Variants in AKNA observed in about 807,000 individuals in gnomAD.
AKNA encodes the protein AT-hook transcription factor, also known as microtubule organization protein AKNA.
Under a neutral mutation model 138.8 loss-of-function variants are expected in AKNA, and 67 were observed. That is an observed-to-expected ratio of 0.48 (90% CI 0.40 to 0.59). AKNA has a LOEUF of 0.59. AKNA is among the 20% of genes least tolerant of loss of function. The probability of loss-of-function intolerance (pLI) is 0.00; values close to 1 mark genes in which losing one functional copy is unlikely to be tolerated. For missense variants in AKNA, 1,813 were observed against 1,880.4 expected, an observed-to-expected ratio of 0.96 and a Z score of 0.66; for synonymous variants, 737 against 754.4, an observed-to-expected ratio of 0.98 and a Z score of 0.38.
chr9:114,331,354 A>G (rs570517395), downstream of AKNA, among the ~76,000 whole-genome samples: 73 of 152,172 alleles, frequency 4.8e-4, no homozygotes, highest in Admixed American at 4.1e-3. Flanking sequence ...TGACAGCCAC[A>G]GTCTGTGTGA....
intron 4 of AKNA, among the ~76,000 whole-genome samples, chr9:114,370,694 G>A (rs1337733218): frequency 6.6e-6 from 1 of 152,224 alleles, no homozygotes; most frequent in African/African-American, 2.4e-5. Flanking sequence ...GGGAGGACTA[G>A]TGAATTTGGG....
Position 114,364,618 on chromosome 9 carries a change from A to G in AKNA, c.1730T>C (p.Val577Ala). The change falls in exon 7 of 22, where the codon GTG becomes GCG. Residue 577 changes from valine to alanine, a missense_variant and splice_region_variant. Coordinates refer to ENST00000374088, the MANE Select transcript of AKNA (RefSeq NM_001317950.2). ...CTGTATCAGTCTTTCAAAGGACTCC[A>G]CCTGGACATTGGGAGGGGAAGGAAA... ...ASQASQFLAK[V>A]ESFERLIQAG... 1 of 1,613,902 alleles carries G rather than the reference A, an allele frequency of 6.2e-7. No homozygotes were observed. The highest frequency in any genetic ancestry group is 8.5e-7 in the Non-Finnish European group (1 of 1,180,002).
Position 114,345,948 on chromosome 9 carries a change from GT to G in AKNA, c.3575del (p.Asp1192AlafsTer204), listed in dbSNP as rs762163389. On this transcript the variant is annotated frameshift_variant, in exon 18 of 22. Transcript: ENST00000374088. LOFTEE classifies it high-confidence loss of function. The stretch of plus-strand genomic sequence containing the variant: ...TTCCATCCCGAGCTGCCTGTGGACT[GT>G]CCTTGGTGGTCTTGCTCTTCTCAGA... ...LFSEKSKTTK[D>X]SPQAARDGKR... 6.2e-7 allele frequency: 1 copy of G among 1,614,054 alleles called. No individual in the cohort carries two copies. Among genetic ancestry groups the G allele is most frequent in the South Asian group, 1.1e-5 (1 of 91,074 alleles).
chr9:114,358,636 C>T (rs1185807081), intron 11 of AKNA, among the ~76,000 whole-genome samples: 2 of 151,908 alleles, frequency 1.3e-5, no homozygotes, highest in Non-Finnish European at 2.9e-5. Flanking sequence ...TGCTCTAGGC[C>T]TTGTGTGCTC....
chr9:114,368,412 C>T (rs1007970794), intron 5 of AKNA, 27 bp downstream of exon 5: 5 of 1,312,402 alleles, frequency 3.8e-6, no homozygotes, highest in Non-Finnish European at 3.9e-6. Flanking sequence ...AAGGAGCCTC[C>T]AGCTGCAGCT....
rs191205827 is a variant in AKNA, at chr9:114,374,053, G to A, written c.1416+40C>T. On this transcript the variant is annotated intron_variant, in intron 4 of 21. Coordinates refer to ENST00000374088, the MANE Select transcript of AKNA (RefSeq NM_001317950.2). The stretch of plus-strand genomic sequence containing the variant: ...CTATGGAAAAGTGTCACCTCCTCGG[G>A]GACTTGGGCCCATGCCTCCACCCCA... The A allele has an allele frequency of 2.8e-5, 44 of 1,545,474 alleles. No homozygotes were observed. The East Asian group carries it at 1.1e-3, about 37-fold the overall frequency.
chr9:114,381,174 C>A lies in AKNA; in HGVS notation c.160G>T (p.Glu54Ter). The A allele has an allele frequency of 6.2e-7, 1 of 1,613,404 alleles. No homozygotes were observed. Among genetic ancestry groups the A allele is most frequent in the South Asian group, 1.1e-5 (1 of 91,074 alleles). Residue 54 changes from glutamate to a stop codon, truncating the protein, a stop_gained, in exon 2 of 22, where the codon GAG (glutamate) becomes TAG (stop). Coordinates refer to ENST00000374088, the MANE Select transcript of AKNA (RefSeq NM_001317950.2). LOFTEE classifies it high-confidence loss of function. ...GCCAGGCGGAAGTCCTCTAGGAGCT[C>A]GGGGCTGGTGGCATTGGGAAAGAGT... ...ERLFPNATSP[E>*]LLEDFRLAQQ...
At chr9:114,350,734 G>A (rs1042616885) in intron 15 of AKNA, 125 bp downstream of exon 15, 12 of 1,133,936 alleles carry the variant, frequency 1.1e-5, no homozygotes, top group South Asian at 4.9e-5. Context: ...ACCTGGGTCC[G>A]TCTGCTCCTA....
At chr9:114,359,377 T>C (rs892063677) in intron 11 of AKNA, 10 of 924,986 alleles carry the variant, frequency 1.1e-5, no homozygotes, top group African/African-American at 5.1e-5. Context: ...CTGAGAATAA[T>C]GTTCTTTAAT....
At chr9:114,364,696 C>A in intron 6 of AKNA, 77 bp from the exon 7 acceptor site, 1 of 1,486,140 alleles carries the variant, frequency 6.7e-7, no homozygotes, top group Admixed American at 1.7e-5. Flanking sequence ...ACATCTATGC[C>A]TTGGTAAGAG....
Position 114,368,532 on chromosome 9 carries a change from C to T in AKNA, c.1480G>A (p.Gly494Arg). Residue 494 changes from glycine (G) to arginine (R), a missense_variant, in exon 5 of 22, where the codon GGG becomes AGG. By Grantham distance (125) the Gly-to-Arg change is moderately radical. Transcript: ENST00000374088. Reference protein sequence around the residue: ...HSIHTGMVPQGTKVLSFTIPQ... With the variant: ...HSIHTGMVPQRTKVLSFTIPQ... ...ATGGTGAAGGACAAGACCTTGGTCC[C>T]CTGGGGCACCATTCCCGTGTGGATG... 7.2e-7 allele frequency: 1 copy of T among 1,380,996 alleles called. No homozygotes were observed. The highest frequency in any genetic ancestry group is 9.4e-7 in the Non-Finnish European group (1 of 1,059,834). The allele number at this position is 1,380,996 out of a possible 1,614,324, so 85.5% of individuals were successfully genotyped here.
rs1833644724 is a variant in AKNA, at chr9:114,381,231, T to A, written c.103A>T (p.Arg35Ter). 1.2e-6 allele frequency: 2 copies of A among 1,614,204 alleles called. No individual in the cohort carries two copies. Among genetic ancestry groups the A allele is most frequent in the Non-Finnish European group, 1.7e-6 (2 of 1,180,020 alleles). ...TCTTCCCAGCTTTGTGAACTACTTC[T>A]ATCCACATCCCTCTTGTCCTCGGCC... The part of the protein sequence containing the change: ...AWAEDKRDVD[R>*]SSSQSWEEER... The change falls in exon 2 of 22, where the codon AGA becomes TGA. Residue 35 changes from arginine to a stop codon, truncating the protein, a stop_gained. Transcript: ENST00000374088. LOFTEE classifies it high-confidence loss of function.
upstream of AKNA, chr9:114,396,663 G>C (rs1471244934): frequency 1.3e-5 from 2 of 148,318 alleles, no homozygotes; most frequent in African/African-American, 4.9e-5. Context: ...TGGAGACAGA[G>C]CTAGACTCCA....
chr9:114,347,085 A>C (rs576636578), intron 16 of AKNA, among the ~76,000 whole-genome samples: 9 of 152,218 alleles, frequency 5.9e-5, no homozygotes, highest in Admixed American at 6.5e-5. Flanking sequence ...GACTCAAAAG[A>C]AGCCAGCTGA....
downstream of AKNA, among the ~76,000 whole-genome samples, chr9:114,332,830 T>C (rs1829881244): frequency 6.6e-6 from 1 of 152,176 alleles, no homozygotes; most frequent in Non-Finnish European, 1.5e-5. Context: ...ATGTGCTCAG[T>C]AAATGCCAGT....
intron 13 of AKNA, 102 bp from the exon 14 acceptor site, chr9:114,356,238 C>T (rs1282618026): frequency 2.8e-6 from 3 of 1,080,108 alleles, no homozygotes; most frequent in Non-Finnish European, 4.0e-6. Context: ...TAAGCTCCCA[C>T]CCTTTGTAAC....
intron 9 of AKNA, 165 bp from the exon 10 acceptor site, chr9:114,360,227 CTG>C (rs1282224353): frequency 2.5e-6 from 2 of 812,748 alleles, no homozygotes; most frequent in African/African-American, 3.4e-5. Context: ...GGAGACTGGG[CTG>C]TGTGGTCTTC....
intron 1 of AKNA, among the ~76,000 whole-genome samples, chr9:114,383,962 C>T (rs1385919171): frequency 6.6e-6 from 1 of 152,154 alleles, no homozygotes; most frequent in East Asian, 1.9e-4. Context: ...TCCTCCAGAT[C>T]ACCCTGTGTA....
At chr9:114,343,162 G>A (rs896782753) in intron 19 of AKNA, among the ~76,000 whole-genome samples, 2 of 152,148 alleles carry the variant, frequency 1.3e-5, no homozygotes, top group Non-Finnish European at 2.9e-5. Context: ...CTACAGAGAG[G>A]GACTTAATAA....
Sources: gnomAD v4.1 joint callset for allele counts (sites outside exome capture counted in the v4.1 genomes callset) on GRCh38, gnomAD v4.1.1 for gene constraint, MANE v1.5 for transcripts, NCBI Gene and HGNC (gene_info 2026-07-23, HGNC 2026-07-21) for gene names.